LRRC37A2: variants seen among roughly 807,000 people sequenced by gnomAD.
LRRC37A2 encodes the protein leucine-rich repeat-containing protein 37A2.
A neutral mutation model predicts 68.8 loss-of-function variants in LRRC37A2; 9 were observed. The observed-to-expected ratio is 0.13, with a 90% CI of 0.08 to 0.23. The LOEUF is 0.23. Among genes scored for constraint, LRRC37A2 ranks in the 10% least tolerant of loss-of-function variants. The pLI, the probability that LRRC37A2 is intolerant of heterozygous loss-of-function variation, is 1.00. For missense variants in LRRC37A2, 168 were observed against 950.4 expected, an observed-to-expected ratio of 0.18 and a Z score of 10.82; for synonymous variants, 63 against 367.6, an observed-to-expected ratio of 0.17 and a Z score of 9.48.
At chr17:46,543,372 C>T (rs1397392094) in intron 8 of LRRC37A2, among the ~76,000 whole-genome samples, 39 of 150,726 alleles carry the variant, frequency 2.6e-4, no homozygotes, top group Non-Finnish European at 4.9e-4. Context: ...TAAAACAATC[C>T]TGGGAACAGT....
chr17:46,676,331 C>G, the LRRC37A2 span, among the ~76,000 whole-genome samples: 16 of 137,734 alleles, frequency 1.2e-4, no homozygotes, highest in Admixed American at 2.2e-4. Flanking sequence ...CTCCCAGGTT[C>G]AAGCAATTCT....
At chr17:46,749,287 T>C in the LRRC37A2 span, among the ~76,000 whole-genome samples, 1 of 152,196 alleles carries the variant, frequency 6.6e-6, no homozygotes, top group East Asian at 1.9e-4. Flanking sequence ...ATGTGACAAT[T>C]ATGGAAAGCA....
At chr17:46,842,263 C>A in the LRRC37A2 span, among the ~76,000 whole-genome samples, 2 of 152,236 alleles carry the variant, frequency 1.3e-5, no homozygotes, top group African/African-American at 4.8e-5. Flanking sequence ...GTCAGGAGAG[C>A]CTTCCAGCCA....
chr17:46,836,093 G>GAC, the LRRC37A2 span, among the ~76,000 whole-genome samples: 5 of 65,038 alleles, frequency 7.7e-5, no homozygotes, highest in African/African-American at 2.1e-4. Flanking sequence ...GAGAGACGCT[G>GAC]ACGTGTGTGT....
the LRRC37A2 span, among the ~76,000 whole-genome samples, chr17:46,782,267 T>G: frequency 6.6e-6 from 1 of 152,332 alleles, no homozygotes; most frequent in African/African-American, 2.4e-5. Context: ...TCTCTTAAAA[T>G]GACTGACATG....
the LRRC37A2 span, among the ~76,000 whole-genome samples, chr17:46,974,388 C>G: frequency 6.6e-6 from 1 of 152,200 alleles, no homozygotes; most frequent in Non-Finnish European, 1.5e-5. Context: ...CTCCTATAAA[C>G]AGGAAATTAG....
chr17:46,954,845 T>C, the LRRC37A2 span, among the ~76,000 whole-genome samples: 6 of 152,252 alleles, frequency 3.9e-5, no homozygotes, highest in African/African-American at 1.4e-4. Context: ...ATAAGAATGC[T>C]TGTGATTTTT....
the LRRC37A2 span, among the ~76,000 whole-genome samples, chr17:46,869,737 G>A: frequency 1.3e-5 from 2 of 152,132 alleles, no homozygotes; most frequent in East Asian, 3.8e-4. Flanking sequence ...AGTGGCTCAC[G>A]TCTGTAATTC....
chr17:46,830,081 G>T, the LRRC37A2 span, among the ~76,000 whole-genome samples: 1 of 152,070 alleles, frequency 6.6e-6, no homozygotes, highest in African/African-American at 2.4e-5. Flanking sequence ...AGTGATTGAG[G>T]ACTGTTGGTG....
the LRRC37A2 span, among the ~76,000 whole-genome samples, chr17:46,731,581 G>T: frequency 6.6e-6 from 1 of 152,260 alleles, no homozygotes; most frequent in Middle Eastern, 3.4e-3. Flanking sequence ...GAAGTGAGGG[G>T]TGAGCATCCA....
chr17:46,933,375 G>A, the LRRC37A2 span: 1 of 152,230 alleles, frequency 6.6e-6, no homozygotes, highest in Admixed American at 6.5e-5. Flanking sequence ...ATTTGTATGT[G>A]AATGGCATTT....
chr17:46,826,329 G>A, the LRRC37A2 span, among the ~76,000 whole-genome samples: 110 of 152,362 alleles, frequency 7.2e-4, no homozygotes, highest in Non-Finnish European at 1.3e-3. Context: ...CAGTGGGCTG[G>A]GAATGGGGTC....
the LRRC37A2 span, among the ~76,000 whole-genome samples, chr17:46,801,616 T>C: frequency 7.2e-6 from 1 of 138,802 alleles, no homozygotes; most frequent in South Asian, 2.1e-4. Flanking sequence ...CGAGACTCTA[T>C]CTTGAAAAAC....
chr17:46,762,403 T>A, the LRRC37A2 span: 1 of 152,030 alleles, frequency 6.6e-6, no homozygotes, highest in African/African-American at 2.4e-5. Context: ...GAAATAACCT[T>A]CACTTGGTCA....
At chr17:47,034,306 T>C in the LRRC37A2 span, among the ~76,000 whole-genome samples, 32 of 152,352 alleles carry the variant, frequency 2.1e-4, no homozygotes, top group Middle Eastern at 3.4e-3. Flanking sequence ...AGTCTCTCCA[T>C]GGCCCAGGCA....
At chr17:46,936,641 A>G in the LRRC37A2 span, 1 of 985,186 alleles carries the variant, frequency 1.0e-6, no homozygotes, top group Non-Finnish European at 1.2e-6. Context: ...CTGAAAATGA[A>G]TACATTTTTT....
At chr17:46,973,499 C>T in the LRRC37A2 span, among the ~76,000 whole-genome samples, 3 of 151,956 alleles carry the variant, frequency 2.0e-5, no homozygotes, top group Admixed American at 1.3e-4. Context: ...TGAGATCTAG[C>T]GTTCCCCATG....
rs969717274 is a variant in LRRC37A2, at chr17:46,532,330, G to C, written c.2907-7846G>C. Among the ~76,000 whole-genome samples the C allele has an allele frequency of 4.7e-5, 7 of 150,370 alleles. 1 individual carries two copies. The highest frequency in any genetic ancestry group is 1.5e-4 in the African/African-American group (6 of 39,940). On this transcript the variant is annotated intron_variant, in intron 6 of 14. Coordinates refer to ENST00000576629, the Ensembl canonical transcript of LRRC37A2. ...CGTTGAATTTGGTTTGCCAGATTTT[G>C]TCAAGCATTTTTCCATCTACATTCA...
the LRRC37A2 span, among the ~76,000 whole-genome samples, chr17:46,490,366 G>A: frequency 4.5e-4 from 68 of 151,186 alleles, no homozygotes; most frequent in African/African-American, 1.6e-3. Flanking sequence ...CTGTGATTTC[G>A]ATAATTAGTT....
Sources: gnomAD v4.1 joint callset for allele counts (sites outside exome capture counted in the v4.1 genomes callset) on GRCh38, gnomAD v4.1.1 for gene constraint, MANE v1.5 for transcripts, NCBI Gene and HGNC (gene_info 2026-07-23, HGNC 2026-07-21) for gene names.